Variants in PRSS38 observed in about 807,000 individuals in gnomAD.
PRSS38 encodes the protein serine protease 38, also known as marapsin 2.
Under a neutral mutation model 26.8 loss-of-function variants are expected in PRSS38, and 22 were observed. The ratio of observed to expected loss-of-function variants is 0.82; its 90% CI spans 0.59 to 1.17. PRSS38 has a LOEUF of 1.17. PRSS38 is among the 50% of genes most tolerant of loss of function. The pLI, the probability that PRSS38 is intolerant of heterozygous loss-of-function variation, is 0.00. For missense variants in PRSS38, 427 were observed against 422.7 expected, an observed-to-expected ratio of 1.01 and a Z score of -0.09; for synonymous variants, 175 against 172.1, an observed-to-expected ratio of 1.02 and a Z score of -0.13.
chr1:227,845,663 T>C, intron 4 of PRSS38, 51 bp downstream of exon 4: 1 of 1,588,258 alleles, frequency 6.3e-7, no homozygotes, highest in Non-Finnish European at 8.6e-7. Context: ...CCTGTGCCTG[T>C]GGACCCCACA....
At chr1:227,846,363 AGTGT>A in exon 5 of PRSS38, 1 of 959,910 alleles carries the variant, frequency 1.0e-6, no homozygotes, top group Admixed American at 2.7e-5. Flanking sequence ...GTGATGAGCA[AGTGT>A]ACAAAAGAAA....
intron 3 of PRSS38, 76 bp downstream of exon 3, chr1:227,817,556 G>T (rs1451084105): frequency 6.0e-6 from 9 of 1,494,246 alleles, no homozygotes; most frequent in African/African-American, 2.8e-5. Context: ...TGCTCTGCCA[G>T]CTAAGGGGGT....
At chr1:227,817,456 G>A in exon 3 of PRSS38, 2 of 1,614,200 alleles carry the variant, frequency 1.2e-6, no homozygotes, top group Non-Finnish European at 1.7e-6. Flanking sequence ...CTGGGCTACG[G>A]GATGGGGACT....
chr1:227,836,004 G>A (rs755868148), intron 3 of PRSS38, among the ~76,000 whole-genome samples: 35 of 152,066 alleles, frequency 2.3e-4, no homozygotes, highest in African/African-American at 1.4e-4. Flanking sequence ...TTGGGAGTCC[G>A]TGGCAGGACG....
intron 4 of PRSS38, 130 bp downstream of exon 4, chr1:227,845,742 T>C: frequency 8.1e-7 from 1 of 1,237,798 alleles, no homozygotes; most frequent in Non-Finnish European, 1.1e-6. Context: ...AGCAGGGCGA[T>C]GTATGACAAT....
At position 227,817,210 on chromosome 1, in the gene PRSS38, G is replaced by A. The variant is rs200322609; in HGVS notation, c.313G>A (p.Asp105Asn). 8.4e-5 allele frequency: 136 copies of A among 1,612,490 alleles called. No individual in the cohort carries two copies. In the Admixed American group the frequency reaches 2.2e-3, roughly 26 times the overall value. The change falls in exon 3 of 5, where the codon GAC becomes AAC. Residue 105 changes from aspartate (D) to asparagine (N), a missense_variant and splice_region_variant. Asp to Asn is a conservative substitution (Grantham distance 23). Coordinates refer to ENST00000366757, the Ensembl canonical transcript of PRSS38. ...GTACCTCTGTTCTCACCCCCACAGG[G>A]ACAAGAATATCAAAATCTATGACAT... is the stretch of plus-strand genomic sequence containing the variant.
At chr1:227,843,327 A>C (rs915683508) in intron 3 of PRSS38, among the ~76,000 whole-genome samples, 1 of 152,156 alleles carries the variant, frequency 6.6e-6, no homozygotes, top group Non-Finnish European at 1.5e-5. Context: ...ACAACAACAC[A>C]TATTTCCTCT....
chr1:227,815,676 T>C (rs1664898029), upstream of PRSS38: 2 of 1,535,712 alleles, frequency 1.3e-6, no homozygotes, highest in East Asian at 2.3e-5. Flanking sequence ...CAGTCACATG[T>C]CGGGAGCTAG....
intron 3 of PRSS38, among the ~76,000 whole-genome samples, chr1:227,835,139 C>A (rs771877873): frequency 6.6e-6 from 1 of 152,186 alleles, no homozygotes; most frequent in Admixed American, 6.5e-5. Flanking sequence ...ATCCATTCAT[C>A]CCTCGCCAAA....
chr1:227,843,985 C>G (rs1174323120), intron 3 of PRSS38, among the ~76,000 whole-genome samples: 2 of 152,190 alleles, frequency 1.3e-5, no homozygotes, highest in Non-Finnish European at 2.9e-5. Context: ...GAGACCCTGT[C>G]TCAAAACAAC....
chr1:227,820,338 A>C (rs1428790413), intron 3 of PRSS38, among the ~76,000 whole-genome samples: 1 of 152,090 alleles, frequency 6.6e-6, no homozygotes, highest in Non-Finnish European at 1.5e-5. Flanking sequence ...TTTCTAGTAC[A>C]AATTAAATAG....
intron 3 of PRSS38, among the ~76,000 whole-genome samples, chr1:227,835,729 G>A (rs1572088414): frequency 1.3e-5 from 2 of 152,192 alleles, no homozygotes; most frequent in Admixed American, 6.5e-5. Context: ...TGTGTGATTC[G>A]ATGTATAAGA....
chr1:227,816,190 C>CCATT lies in PRSS38; in HGVS notation c.249_250insCATT (p.Val84HisfsTer10), dbSNP rs1558230958. The CCATT allele has an allele frequency of 1.2e-6, 2 of 1,613,562 alleles. No individual in the cohort carries two copies. The highest frequency in any genetic ancestry group is 1.7e-6 in the Non-Finnish European group (2 of 1,179,888). On this transcript the variant is annotated frameshift_variant, in exon 2 of 5. Transcript: ENST00000366757. LOFTEE classifies it high-confidence loss of function. This position sits in a 1 kb window ranked among gnomAD's most constrained non-coding sequence, Gnocchi z 5.1. The stretch of plus-strand genomic sequence containing the variant: ...TCAGCGTGCACTACGCAGGCCTCCA[C>CCATT]GTCTGCGGCGGCTCCATCCTCAATG...
chr1:227,822,713 C>G (rs1200207837), intron 3 of PRSS38, among the ~76,000 whole-genome samples: 4 of 152,296 alleles, frequency 2.6e-5, no homozygotes, highest in African/African-American at 9.6e-5. Context: ...AACCAAAAAT[C>G]TCTTCTTATG....
At chr1:227,845,333 G>C (rs1235642500) in intron 3 of PRSS38, 137 bp from the exon 4 acceptor site, 3 of 625,588 alleles carry the variant, frequency 4.8e-6, no homozygotes, top group Non-Finnish European at 2.8e-6. Flanking sequence ...TCATCCCTAT[G>C]TGTCATCAGG....
chr1:227,845,931 A>G, intron 4 of PRSS38, 23 bp from the exon 5 acceptor site: 1 of 1,612,914 alleles, frequency 6.2e-7, no homozygotes, highest in Non-Finnish European at 8.5e-7. Context: ...CCAGTTCACA[A>G]AAAACTCCCT....
In PRSS38 at chr1:227,816,194, T is replaced by G; in HGVS notation, c.253T>G (p.Cys85Gly). The G allele has an allele frequency of 6.2e-7, 1 of 1,613,630 alleles. No individual in the cohort carries two copies. The highest frequency in any genetic ancestry group is 8.5e-7 in the Non-Finnish European group (1 of 1,179,838). Residue 85 changes from cysteine (C) to glycine (G), a missense_variant, in exon 2 of 5, where the codon TGC becomes GGC. By Grantham distance (159) the Cys-to-Gly change is radical (BLOSUM62 -3). Coordinates refer to ENST00000366757, the Ensembl canonical transcript of PRSS38. The surrounding 1 kb of genome is among the most constrained non-coding windows in gnomAD (Gnocchi z 5.1). ...CGTGCACTACGCAGGCCTCCACGTC[T>G]GCGGCGGCTCCATCCTCAATGAGTA...
At chr1:227,833,306 T>C (rs10429873) in intron 3 of PRSS38, among the ~76,000 whole-genome samples, 30,870 of 152,126 alleles carry the variant, frequency 0.2, 3,932 homozygotes, top group Middle Eastern at 0.3. Context: ...GGTGGGCAGA[T>C]CACCTGAGGT....
In PRSS38 at chr1:227,816,052, C is replaced by G. The variant is rs1262705232; in HGVS notation, c.149-38C>G. 1.9e-6 allele frequency: 3 copies of G among 1,594,816 alleles called. No homozygotes were observed. Among genetic ancestry groups the G allele is most frequent in the Admixed American group, 3.4e-5 (2 of 59,294 alleles). On this transcript the variant is annotated intron_variant, in intron 1 of 4. Coordinates refer to ENST00000366757, the Ensembl canonical transcript of PRSS38. This position sits in a 1 kb window ranked among gnomAD's most constrained non-coding sequence, Gnocchi z 5.1. ...TGCCTGCCCTACCTCTCCCGTGGCC[C>G]CAGCATGGCTCCACCGTCAGCTCCG...
Sources: allele counts gnomAD v4.1 joint callset (sites outside exome capture counted in the v4.1 genomes callset), GRCh38; gene constraint gnomAD v4.1.1; non-coding constraint Gnocchi (gnomAD v3.1); transcripts MANE v1.5; gene names NCBI Gene and HGNC (gene_info 2026-07-23, HGNC 2026-07-21).